Variants in RYR2 observed in about 807,000 individuals in gnomAD.
RYR2 encodes ryanodine receptor 2, also known as cardiac muscle ryanodine receptor-calcium release channel.
RYR2 carries 227 observed loss-of-function variants against 601.1 expected under a neutral mutation model. The ratio of observed to expected loss-of-function variants is 0.38; its 90% CI spans 0.34 to 0.42. RYR2 has a LOEUF of 0.42. RYR2 is among the 10% of genes least tolerant of loss of function. The pLI, the probability that RYR2 is intolerant of heterozygous loss-of-function variation, is 1.00. For synonymous variants in RYR2, 2,223 were observed against 2,175.1 expected (o/e 1.02, Z -0.61); for missense variants, 4,646 against 6,156.5 (o/e 0.75, Z 8.21).
intron 35 of RYR2, among the ~76,000 whole-genome samples, chr1:237,609,765 C>A (rs1421338549): frequency 6.6e-6 from 1 of 152,066 alleles, no homozygotes; most frequent in Admixed American, 6.6e-5. Context: ...AGCTTTCTGT[C>A]CCCCAAACCC....
At chr1:237,116,458 A>G (rs1472826507) in intron 1 of RYR2, among the ~76,000 whole-genome samples, 1 of 152,214 alleles carries the variant, frequency 6.6e-6, no homozygotes, top group African/African-American at 2.4e-5. Context: ...AGGGTTCTCC[A>G]GAGAATCAGA....
intron 87 of RYR2, among the ~76,000 whole-genome samples, chr1:237,777,809 C>A (rs1694785779): frequency 6.6e-6 from 1 of 152,160 alleles, no homozygotes; most frequent in African/African-American, 2.4e-5. Context: ...GGAGCAATAC[C>A]AGAACACTAA....
At chr1:237,172,685 T>C (rs1461784002) in intron 1 of RYR2, among the ~76,000 whole-genome samples, 1 of 152,222 alleles carries the variant, frequency 6.6e-6, no homozygotes, top group African/African-American at 2.4e-5. Context: ...CGGAGTTTTA[T>C]TGATGGACTT....
rs189449390 is a variant in RYR2, at chr1:237,417,070, C to T, written c.795C>T (p.Gly265=). ...ACAGAACTGTTCATTATGAAGGTGG[C>T]GCTGTGTCTGTTCATGCACGTTCCC... ...EQRRTVHYEG[G]AVSVHARSLW... The change falls in exon 11 of 105, where the codon GGC becomes GGT. Residue 265 remains glycine, a synonymous_variant. Coordinates refer to ENST00000366574, the MANE Select transcript of RYR2 (RefSeq NM_001035.3). 1.1e-5 allele frequency: 17 copies of T among 1,613,650 alleles called. No individual in the cohort carries two copies. Among genetic ancestry groups the T allele is most frequent in the Admixed American group, 5.0e-5 (3 of 60,004 alleles).
At chr1:237,511,840 A>T in intron 24 of RYR2, 49 bp downstream of exon 24, 6 of 895,802 alleles carry the variant, frequency 6.7e-6, no homozygotes, top group Non-Finnish European at 9.2e-6. Context: ...CCCTGAAAAA[A>T]AAAAAAAAAA....
At chr1:237,314,404 A>G (rs983448772) in intron 2 of RYR2, among the ~76,000 whole-genome samples, 2 of 152,162 alleles carry the variant, frequency 1.3e-5, no homozygotes, top group Admixed American at 6.5e-5. Flanking sequence ...ACATATCTCA[A>G]TTAGGCAGCC....
chr1:237,680,623 A>G, intron 62 of RYR2, 46 bp downstream of exon 62: 1 of 1,497,338 alleles, frequency 6.7e-7, no homozygotes, highest in South Asian at 1.3e-5. Context: ...TTAGGTGTAT[A>G]TGCAGTTGCA....
Position 237,042,374 on chromosome 1 carries a change from G to A in RYR2, c.-148G>A. On this transcript the variant is annotated 5_prime_UTR_variant, in exon 1 of 105. Transcript: ENST00000366574. ...CGCCTCCTCCTCCGCTCTGCAGGCG[G>A]GGACCGCCCGGCGCTCGGCACCCGG... 1 of 736,160 alleles carries A rather than the reference G, an allele frequency of 1.4e-6. No individual in the cohort carries two copies. The highest frequency in any genetic ancestry group is 1.8e-6 in the Non-Finnish European group (1 of 557,294). 45.6% of individuals were successfully genotyped at this position (736,160 alleles called of 1,614,324 possible).
chr1:237,227,704 G>A (rs773419638), intron 1 of RYR2, among the ~76,000 whole-genome samples: 19 of 151,862 alleles, frequency 1.3e-4, no homozygotes, highest in Admixed American at 2.6e-4. Context: ...GGGTGTGAGC[G>A]TGCCCTGTGA....
At chr1:237,116,015 A>G (rs1670038212) in intron 1 of RYR2, among the ~76,000 whole-genome samples, 1 of 152,202 alleles carries the variant, frequency 6.6e-6, no homozygotes, top group Non-Finnish European at 1.5e-5. Context: ...AGAAGAATTA[A>G]TAGGGTTGAA....
intron 10 of RYR2, among the ~76,000 whole-genome samples, chr1:237,407,468 G>A (rs72765950): frequency 6.6e-6 from 1 of 152,148 alleles, no homozygotes; most frequent in Non-Finnish European, 1.5e-5. Flanking sequence ...CCAGGTTTTG[G>A]CCATTGTAAC....
At chr1:237,138,221 C>T (rs1305742225) in intron 1 of RYR2, among the ~76,000 whole-genome samples, 1 of 151,628 alleles carries the variant, frequency 6.6e-6, no homozygotes, top group East Asian at 1.9e-4. Flanking sequence ...TTGGTAGAAA[C>T]GAGGTTTTGC....
intron 29 of RYR2, among the ~76,000 whole-genome samples, chr1:237,582,884 C>T (rs1478261167): frequency 6.8e-6 from 1 of 147,582 alleles, no homozygotes; most frequent in African/African-American, 2.5e-5. Flanking sequence ...CCTATGAGTG[C>T]GTGTTTCTGT....
At position 237,066,659 on chromosome 1, in the gene RYR2, C is replaced by T. The variant is rs1232349510; in HGVS notation, c.48+24090C>T. 3.8e-4 allele frequency among the ~76,000 whole-genome samples: 53 copies of T among 140,522 alleles called. 2 individuals carry two copies. The highest frequency in any genetic ancestry group is 2.1e-4 in the African/African-American group (8 of 37,688). The allele number at this position is 140,522 out of a possible 152,430, so 92.2% of individuals were successfully genotyped here. A position where few individuals can be genotyped will look rare whatever the true frequency, so the allele number is the denominator to read the frequency against. On this transcript the variant is annotated intron_variant, in intron 1 of 104. Transcript: ENST00000366574. ...TGTCTTTCTTTTTTTTTTTTTTCTT[C>T]GAGACGGAGTCTCGCTCTGTCGCCC...
At chr1:237,102,807 A>G (rs1189058516) in intron 1 of RYR2, among the ~76,000 whole-genome samples, 1 of 152,194 alleles carries the variant, frequency 6.6e-6, no homozygotes, top group Non-Finnish European at 1.5e-5. Context: ...GTGAGCCAAG[A>G]TGGCACCCCT....
intron 84 of RYR2, among the ~76,000 whole-genome samples, chr1:237,765,052 T>C (rs1463687195): frequency 3.3e-5 from 5 of 151,894 alleles, no homozygotes; most frequent in Non-Finnish European, 5.9e-5. Flanking sequence ...TTTTTTTTTT[T>C]AAAGGTTCTT....
chr1:237,481,287 A>G (rs937123120), intron 17 of RYR2, among the ~76,000 whole-genome samples: 3 of 152,068 alleles, frequency 2.0e-5, no homozygotes, highest in African/African-American at 4.8e-5. Flanking sequence ...TTATATGTAA[A>G]GAATAAAAAG....
At chr1:237,812,818 G>T (rs1208820162) in intron 100 of RYR2, among the ~76,000 whole-genome samples, 1 of 151,722 alleles carries the variant, frequency 6.6e-6, no homozygotes, top group Admixed American at 6.6e-5. Context: ...TGGCCCACCT[G>T]CCCACTTCTT....
intron 2 of RYR2, among the ~76,000 whole-genome samples, chr1:237,308,725 C>G (rs1484119451): frequency 1.3e-5 from 2 of 152,206 alleles, no homozygotes; most frequent in Non-Finnish European, 2.9e-5. Flanking sequence ...AAAGAGTGAG[C>G]AGCAGCAAGA....
Sources: allele counts gnomAD v4.1 joint callset (sites outside exome capture counted in the v4.1 genomes callset), GRCh38; gene constraint gnomAD v4.1.1; transcripts MANE v1.5; gene names NCBI Gene and HGNC (gene_info 2026-07-23, HGNC 2026-07-21).